The following SLCO5A1 variants were observed in gnomAD, a reference collection of about 807,000 sequenced individuals.
The protein encoded by SLCO5A1 is organic anion transporter polypeptide-related protein 4.
A neutral mutation model predicts 65.1 loss-of-function variants in SLCO5A1; 39 were observed. The ratio of observed to expected loss-of-function variants is 0.60; its 90% CI spans 0.46 to 0.78. The LOEUF (loss-of-function observed/expected upper bound fraction) is 0.78, where lower values mean the gene tolerates loss of function less well. Ranked by LOEUF, SLCO5A1 falls within the 30% of genes least tolerant of loss-of-function variation. The pLI, the probability that SLCO5A1 is intolerant of heterozygous loss-of-function variation, is 0.00. For missense variants in SLCO5A1, 1,029 were observed against 1,069.4 expected (o/e 0.96, Z 0.53); for synonymous variants, 438 against 415.7 (o/e 1.05, Z -0.65).
At chr8:69,772,593 G>GGAAAGGAAAGGAAAGGAAAA (rs2130875054) in intron 2 of SLCO5A1, among the ~76,000 whole-genome samples, 2 of 130,226 alleles carry the variant, frequency 1.5e-5, no homozygotes, top group African/African-American at 5.9e-5. Context: ...GGAAAGGAAA[G>GGAAAGGAAAGGAAAGGAAAA]GAAAGGAAAG....
chr8:69,834,734 C>T (rs1031197614), intron 1 of SLCO5A1, 120 bp downstream of exon 1: 4 of 67,884 alleles, frequency 5.9e-5, no homozygotes, highest in African/African-American at 1.6e-4. Flanking sequence ...CACGCACATC[C>T]TACACACACA....
intron 2 of SLCO5A1, among the ~76,000 whole-genome samples, chr8:69,815,692 A>AG (rs1563371433): frequency 1.5e-4 from 23 of 151,050 alleles, no homozygotes; most frequent in Non-Finnish European, 2.7e-4. Context: ...ACACACACAA[A>AG]ATTACATCAT....
intron 5 of SLCO5A1, among the ~76,000 whole-genome samples, chr8:69,711,471 A>G (rs376735330): frequency 5.3e-5 from 8 of 152,158 alleles, no homozygotes; most frequent in African/African-American, 1.7e-4. Flanking sequence ...CAATGGATGG[A>G]TACCCAAGGA....
At chr8:69,709,942 T>C (rs1815151357) in intron 5 of SLCO5A1, among the ~76,000 whole-genome samples, 1 of 151,456 alleles carries the variant, frequency 6.6e-6, no homozygotes, top group South Asian at 2.1e-4. Context: ...AGACTGAGAT[T>C]AACTTAAAGT....
At chr8:69,711,634 C>T in intron 5 of SLCO5A1, among the ~76,000 whole-genome samples, 1 of 152,310 alleles carries the variant, frequency 6.6e-6, no homozygotes, top group East Asian at 1.9e-4. Context: ...AGAGTCTGGG[C>T]TATGTAGCCA....
chr8:69,776,280 T>G (rs1222804945), intron 2 of SLCO5A1, among the ~76,000 whole-genome samples: 1 of 152,194 alleles, frequency 6.6e-6, no homozygotes, highest in Non-Finnish European at 1.5e-5. Flanking sequence ...AGATACAATG[T>G]GGCTATTAAT....
chr8:69,771,762 G>A (rs1167517679), intron 2 of SLCO5A1, among the ~76,000 whole-genome samples: 3 of 152,224 alleles, frequency 2.0e-5, no homozygotes, highest in African/African-American at 7.2e-5. Flanking sequence ...AAGAGGCTTA[G>A]AGTTAATTCT....
chr8:69,749,869 G>T (rs1490867795), intron 4 of SLCO5A1, among the ~76,000 whole-genome samples: 1 of 152,102 alleles, frequency 6.6e-6, no homozygotes, highest in African/African-American at 2.4e-5. Context: ...GCAGGATGGA[G>T]GTAAGAAGCC....
chr8:69,682,334 G>C lies in SLCO5A1; in HGVS notation c.1632C>G (p.Leu544=), dbSNP rs766293774. 1 of 1,603,040 alleles carries C rather than the reference G, an allele frequency of 6.2e-7. No homozygotes were observed. The highest frequency in any genetic ancestry group is 1.7e-5 in the Admixed American group (1 of 57,686). ...INIPYTTGPS[L]TMPHRNLTGS... ...CTGTCAGATTCCTATGGGGCATGGT[G>C]AGAGAAGGTCTAAGAGAGAAGAGAA... Residue 544 remains leucine (L), a synonymous_variant, in exon 7 of 10, where the codon CTC becomes CTG. Transcript: ENST00000260126.
rs528488486 is a variant in SLCO5A1 at position 69,740,577 on chromosome 8, A to G, written c.1259-2373T>C. Among the ~76,000 whole-genome samples, 3 of 152,306 alleles carry G rather than the reference A, an allele frequency of 2.0e-5. No individual in the cohort carries two copies. The East Asian group carries it at 5.8e-4, about 29-fold the overall frequency. ...TCTCCGTCTGCTCACAAGGCTTAGA[A>G]GTAATGACACCCTGGTAGGAATGCA... On this transcript the variant is annotated intron_variant, in intron 4 of 9. Transcript: ENST00000260126.
chr8:69,736,277 C>T (rs1485348721), intron 5 of SLCO5A1, among the ~76,000 whole-genome samples: 1 of 152,204 alleles, frequency 6.6e-6, no homozygotes. Context: ...TCCAACTGAA[C>T]CCTTTATTCT....
intron 4 of SLCO5A1, among the ~76,000 whole-genome samples, chr8:69,741,263 A>G (rs1056657000): frequency 6.6e-6 from 1 of 152,234 alleles, no homozygotes; most frequent in Non-Finnish European, 1.5e-5. Flanking sequence ...AGCTTCCTTC[A>G]GGCATGAGTT....
rs142106245 is a variant in SLCO5A1 at position 69,719,895 on chromosome 8, G to A, written c.1424-14666C>T. On this transcript the variant is annotated intron_variant, in intron 5 of 9. Coordinates refer to ENST00000260126, the MANE Select transcript of SLCO5A1 (RefSeq NM_030958.3). ...TATTTGTTCTAGGCTCAGACTCTCA[G>A]GACACATGTCCGCTGAGCCGGTGTA... Among the ~76,000 whole-genome samples, 590 of 152,294 alleles carry A rather than the reference G, an allele frequency of 3.9e-3. 3 individuals are homozygous for A. The highest frequency in any genetic ancestry group is 6.0e-3 in the Non-Finnish European group (411 of 68,034).
At chr8:69,703,635 C>G (rs1306413197) in intron 6 of SLCO5A1, among the ~76,000 whole-genome samples, 1 of 152,186 alleles carries the variant, frequency 6.6e-6, no homozygotes, top group Non-Finnish European at 1.5e-5. Flanking sequence ...AAAGGCAGTG[C>G]TTATGGGCAC....
At chr8:69,734,020 AC>A (rs34935287) in intron 5 of SLCO5A1, among the ~76,000 whole-genome samples, 18,897 of 152,090 alleles carry the variant, frequency 0.12, 1,396 homozygotes, top group African/African-American at 0.19. Flanking sequence ...TGTGACACAG[AC>A]CCCACTGTTC....
intron 2 of SLCO5A1, among the ~76,000 whole-genome samples, chr8:69,824,841 C>A (rs1820802057): frequency 6.6e-6 from 1 of 152,170 alleles, no homozygotes; most frequent in South Asian, 2.1e-4. Context: ...GAATTTTACA[C>A]CAATATCCTT....
intron 5 of SLCO5A1, among the ~76,000 whole-genome samples, chr8:69,711,081 G>C (rs765221210): frequency 1.3e-5 from 2 of 152,054 alleles, no homozygotes; most frequent in Non-Finnish European, 2.9e-5. Flanking sequence ...CTTATGGAGC[G>C]GCTGCGAGTC....
intron 9 of SLCO5A1, among the ~76,000 whole-genome samples, chr8:69,675,532 T>A (rs1413411185): frequency 6.6e-6 from 1 of 152,136 alleles, no homozygotes; most frequent in Non-Finnish European, 1.5e-5. Flanking sequence ...AAACAGCATG[T>A]TTTTTAAAAA....
intron 4 of SLCO5A1, among the ~76,000 whole-genome samples, chr8:69,742,534 A>G (rs1487291590): frequency 6.6e-6 from 1 of 152,232 alleles, no homozygotes; most frequent in Non-Finnish European, 1.5e-5. Flanking sequence ...ACCAAAATTC[A>G]AGAGGTTATA....
Sources: gnomAD v4.1 joint callset for allele counts (sites outside exome capture counted in the v4.1 genomes callset) on GRCh38, gnomAD v4.1.1 for gene constraint, MANE v1.5 for transcripts, NCBI Gene and HGNC (gene_info 2026-07-23, HGNC 2026-07-21) for gene names.